LY9: variants seen among roughly 807,000 people sequenced by gnomAD.
LY9 encodes the protein T-lymphocyte surface antigen Ly-9.
Under a neutral mutation model 64.6 loss-of-function variants are expected in LY9, and 59 were observed. The observed-to-expected ratio is 0.91, with a 90% CI of 0.74 to 1.13. LY9 has a LOEUF of 1.13. Ranked by LOEUF, LY9 falls within the 50% of genes most tolerant of loss-of-function variation. LY9 has a pLI of 0.00. For synonymous variants in LY9, 281 were observed against 308.5 expected, an observed-to-expected ratio of 0.91 and a Z score of 0.93; for missense variants, 789 against 797.2, an observed-to-expected ratio of 0.99 and a Z score of 0.12.
chr1:160,825,592 T>C (rs1668807086), intron 9 of LY9, among the ~76,000 whole-genome samples: 1 of 152,124 alleles, frequency 6.6e-6, no homozygotes, highest in Admixed American at 6.5e-5. Context: ...TCCCTCCCTA[T>C]AACATATTCA....
At chr1:160,816,018 A>G (rs1314553472) in intron 4 of LY9, among the ~76,000 whole-genome samples, 1 of 152,248 alleles carries the variant, frequency 6.6e-6, no homozygotes, top group Non-Finnish European at 1.5e-5. Context: ...TTGTTAAAAT[A>G]TGAAGCAAGT....
rs1374886571 is a variant in LY9, at chr1:160,814,456, C to T, written c.767C>T (p.Thr256Ile). 6.2e-7 allele frequency: 1 copy of T among 1,613,552 alleles called. No homozygotes were observed. Among genetic ancestry groups the T allele is most frequent in the Non-Finnish European group, 8.5e-7 (1 of 1,179,676 alleles). The change falls in exon 4 of 10, where the codon ACT becomes ATT. Residue 256 changes from threonine to isoleucine, a missense_variant. Thr to Ile is a moderately conservative substitution (Grantham distance 89, BLOSUM62 -1). Transcript: ENST00000263285. ...TCCAGAGGAGGAACAACGGGGGAGACTGTGGTAGGGGTCCTGGGAGAGCCA... is the reference window on the plus strand; with the variant it reads ...TCCAGAGGAGGAACAACGGGGGAGATTGTGGTAGGGGTCCTGGGAGAGCCA... ...GASRGGTTGE[T>I]VVGVLGEPVT...
At position 160,806,859 on chromosome 1, in the gene LY9, T is replaced by G. The variant is rs1283068892; in HGVS notation, c.454+6777T>G. Among the ~76,000 whole-genome samples, 3 of 152,214 alleles carry G rather than the reference T, an allele frequency of 2.0e-5. No homozygotes were observed. The East Asian group carries it at 5.8e-4, about 29-fold the overall frequency. ...CTTTGCCCTCAGGGATGAAATAATT[T>G]GAATATTTTATCACTTTATGAAGTC... On this transcript the variant is annotated intron_variant, in intron 2 of 9. Coordinates refer to ENST00000263285, the MANE Select transcript of LY9 (RefSeq NM_002348.4).
At chr1:160,802,169 G>C (rs1172225727) in intron 2 of LY9, 1 of 1,264,936 alleles carries the variant, frequency 7.9e-7, no homozygotes, top group Non-Finnish European at 1.0e-6. Context: ...AACCGGGCTG[G>C]GCCTTGTGTG....
intron 2 of LY9, among the ~76,000 whole-genome samples, chr1:160,805,036 C>A (rs530955877): frequency 6.6e-6 from 1 of 152,078 alleles, no homozygotes; most frequent in Admixed American, 6.5e-5. Context: ...TTTTGTCTGT[C>A]TTTTCAAAGA....
chr1:160,803,872 G>A, intron 2 of LY9, among the ~76,000 whole-genome samples: 1 of 152,150 alleles, frequency 6.6e-6, no homozygotes, highest in East Asian at 1.9e-4. Flanking sequence ...AGCTGGGCAT[G>A]GTGGCATGTG....
chr1:160,813,555 C>G (rs116284611), intron 2 of LY9, 81 bp from the exon 3 acceptor site: 2 of 1,435,470 alleles, frequency 1.4e-6, no homozygotes, highest in Non-Finnish European at 1.9e-6. Flanking sequence ...CCCAACTCCC[C>G]TATTGTCACT....
In LY9 at chr1:160,799,953, A is replaced by G. The variant is rs765416566; in HGVS notation, c.325A>G (p.Ile109Val). 1 of 1,614,176 alleles carries G rather than the reference A, an allele frequency of 6.2e-7. No individual in the cohort carries two copies. Among genetic ancestry groups the G allele is most frequent in the Admixed American group, 1.7e-5 (1 of 60,034 alleles). ...MVKSYLGRLD[I>V]TKWSYSLCIS... Reference sequence around the variant, plus strand: ...CAAAAGCTACCTGGGCCGACTAGACATCACCAAGTGGAGTTACTCCCTGTG... The same window carrying G: ...CAAAAGCTACCTGGGCCGACTAGACGTCACCAAGTGGAGTTACTCCCTGTG... Residue 109 changes from isoleucine (I) to valine (V), a missense_variant, in exon 2 of 10, where the codon ATC becomes GTC. Ile to Val is a conservative substitution (Grantham distance 29). Transcript: ENST00000263285.
At chr1:160,815,572 A>T (rs925502222) in intron 4 of LY9, among the ~76,000 whole-genome samples, 1 of 152,128 alleles carries the variant, frequency 6.6e-6, no homozygotes, top group South Asian at 2.1e-4. Context: ...CTTTTAGTAG[A>T]GATAGGGTTT....
chr1:160,811,441 A>AT, intron 2 of LY9: 1 of 152,118 alleles, frequency 6.6e-6, no homozygotes, highest in Non-Finnish European at 1.5e-5. Context: ...AATAGGTGAC[A>AT]TTTTTTCAAA....
intron 9 of LY9, among the ~76,000 whole-genome samples, chr1:160,827,188 T>C (rs1021707222): frequency 1.3e-5 from 2 of 152,212 alleles, no homozygotes; most frequent in African/African-American, 4.8e-5. Context: ...GATATACCTC[T>C]CTGTACAACA....
Position 160,796,358 on chromosome 1 carries a change from G to C in LY9, c.124+47G>C, listed in dbSNP as rs1276744460. The C allele has an allele frequency of 3.8e-6, 6 of 1,572,410 alleles. No individual in the cohort carries two copies. The Admixed American group carries it at 9.5e-5, about 25-fold the overall frequency. On this transcript the variant is annotated intron_variant, in intron 1 of 9. Coordinates refer to ENST00000263285, the MANE Select transcript of LY9 (RefSeq NM_002348.4). The stretch of plus-strand genomic sequence containing the variant: ...CACTTCTTGCTACTGCGGTTCTTCT[G>C]AGGCCAGTTGCATTCCCTGCCTGGG...
intron 2 of LY9, chr1:160,802,439 C>T (rs1277542708): frequency 4.1e-6 from 4 of 986,230 alleles, no homozygotes; most frequent in Non-Finnish European, 4.8e-6. Flanking sequence ...CTGGGATCCC[C>T]GGGATGCAGG....
At chr1:160,824,579 C>G (rs1268600781) in intron 9 of LY9, 1 of 984,524 alleles carries the variant, frequency 1.0e-6, no homozygotes, top group African/African-American at 1.7e-5. Flanking sequence ...CCTAATCTAC[C>G]TAAATGACAA....
chr1:160,816,967 G>C, intron 5 of LY9, 104 bp downstream of exon 5: 2 of 1,107,780 alleles, frequency 1.8e-6, no homozygotes, highest in Admixed American at 2.0e-5. Flanking sequence ...CTGTGGGTGA[G>C]AGCCCTTTAG....
chr1:160,797,709 A>G (rs1666023967), intron 1 of LY9, among the ~76,000 whole-genome samples: 1 of 152,236 alleles, frequency 6.6e-6, no homozygotes, highest in Non-Finnish European at 1.5e-5. Context: ...AAGGCAGTCG[A>G]GTGAAAAGAC....
chr1:160,800,648 A>T (rs1266021383), intron 2 of LY9, among the ~76,000 whole-genome samples: 1 of 152,158 alleles, frequency 6.6e-6, no homozygotes, highest in Admixed American at 6.5e-5. Flanking sequence ...CCCATCACCC[A>T]AAGAGTGACC....
intron 2 of LY9, among the ~76,000 whole-genome samples, chr1:160,806,650 GT>G (rs1417691669): frequency 4.6e-5 from 7 of 152,096 alleles, no homozygotes; most frequent in Admixed American, 1.3e-4. Flanking sequence ...TTCTCTTACT[GT>G]TTTTATGATT....
intron 2 of LY9, chr1:160,809,727 C>G (rs1006246162): frequency 6.6e-6 from 1 of 152,150 alleles, no homozygotes; most frequent in Non-Finnish European, 1.5e-5. Flanking sequence ...AATCCTCCCA[C>G]CAGCAATGTT....
Sources: allele counts gnomAD v4.1 joint callset (sites outside exome capture counted in the v4.1 genomes callset), GRCh38; gene constraint gnomAD v4.1.1; transcripts MANE v1.5; gene names NCBI Gene and HGNC (gene_info 2026-07-23, HGNC 2026-07-21).